OR51B5: variants seen among roughly 807,000 people sequenced by gnomAD.
The protein encoded by OR51B5 is olfactory receptor 51B5.
For missense variants in OR51B5, 456 were observed against 374.6 expected (o/e 1.22, Z -1.79); for synonymous variants, 186 against 144.8 (o/e 1.28, Z -2.04).
intron 1 of OR51B5, among the ~76,000 whole-genome samples, chr11:5,477,708 A>G (rs2133805641): frequency 6.6e-6 from 1 of 152,296 alleles, no homozygotes; most frequent in Non-Finnish European, 1.5e-5. Context: ...GGGAAGCACA[A>G]GGGGTCAGGG....
At chr11:5,417,049 A>G (rs1285555114) in intron 1 of OR51B5, among the ~76,000 whole-genome samples, 1 of 150,582 alleles carries the variant, frequency 6.6e-6, no homozygotes, top group Non-Finnish European at 1.5e-5. Context: ...TACAGTAAAC[A>G]AAACAGCATG....
chr11:5,479,904 TTAA>T (rs1407092132), intron 1 of OR51B5, among the ~76,000 whole-genome samples: 2,231 of 139,246 alleles, frequency 0.016, 49 homozygotes, highest in African/African-American at 0.056. Flanking sequence ...CTCCCACACA[TTAA>T]TAATGGGAGA....
At chr11:5,342,616 G>C (rs903676151) in exon 1 of OR51B5, 2 of 1,601,072 alleles carry the variant, frequency 1.2e-6, no homozygotes, top group Middle Eastern at 1.7e-4. Context: ...TAGTAAAAAG[G>C]TGAAGAATGG....
Position 5,412,738 on chromosome 11 carries a change from G to A in OR51B5, n.85-65828C>T, listed in dbSNP as rs1468693412. 1.7e-4 allele frequency among the ~76,000 whole-genome samples: 26 copies of A among 152,108 alleles called. 1 individual carries two copies. Among genetic ancestry groups the A allele is most frequent in the Admixed American group, 1.7e-3 (26 of 15,284 alleles). ...CTGCAAGGCGGCAGCCAGGCTGGGGGAGGGGCACCCGCCATTGCCCAGGCT... is the reference window on the plus strand; with the variant it reads ...CTGCAAGGCGGCAGCCAGGCTGGGGAAGGGGCACCCGCCATTGCCCAGGCT... On this transcript the variant is annotated intron_variant and non_coding_transcript_variant, in intron 1 of 4. Transcript: ENST00000415970.
intron 1 of OR51B5, among the ~76,000 whole-genome samples, chr11:5,366,357 AG>A (rs1447071939): frequency 2.0e-5 from 3 of 152,174 alleles, no homozygotes; most frequent in Non-Finnish European, 4.4e-5. Context: ...CTGTAATCCC[AG>A]CACTTTGGGT....
chr11:5,503,958 C>G (rs1345502081), intron 1 of OR51B5, among the ~76,000 whole-genome samples: 2 of 152,072 alleles, frequency 1.3e-5, no homozygotes, highest in Admixed American at 1.3e-4. Context: ...TGTACTTCCC[C>G]TCTTCATTTG....
At chr11:5,418,106 G>A (rs1011728461) in intron 1 of OR51B5, among the ~76,000 whole-genome samples, 2 of 151,040 alleles carry the variant, frequency 1.3e-5, no homozygotes, top group African/African-American at 2.4e-5. Flanking sequence ...TCCTTTGTAG[G>A]GACATGGATG....
intron 1 of OR51B5, among the ~76,000 whole-genome samples, chr11:5,439,359 C>A (rs1307656815): frequency 1.1e-4 from 16 of 152,158 alleles, no homozygotes. Flanking sequence ...TACTTCCCTT[C>A]ACCAACAATA....
intron 1 of OR51B5, among the ~76,000 whole-genome samples, chr11:5,496,671 G>C (rs1851654327): frequency 6.6e-6 from 1 of 152,154 alleles, no homozygotes; most frequent in African/African-American, 2.4e-5. Flanking sequence ...GTTTTTCAGT[G>C]CACCTTTGAG....
At chr11:5,461,280 G>A (rs1007069077) in intron 1 of OR51B5, among the ~76,000 whole-genome samples, 7 of 152,154 alleles carry the variant, frequency 4.6e-5, no homozygotes, top group African/African-American at 9.7e-5. Flanking sequence ...GAGGCGCGCC[G>A]GCGGGGAAGG....
At chr11:5,489,303 T>C in intron 1 of OR51B5, 1 of 1,611,160 alleles carries the variant, frequency 6.2e-7, no homozygotes, top group Non-Finnish European at 8.5e-7. Flanking sequence ...CTGTCAATAT[T>C]GTCTATGGGC....
intron 1 of OR51B5, among the ~76,000 whole-genome samples, chr11:5,444,169 C>T (rs1038454447): frequency 1.8e-4 from 27 of 152,118 alleles, no homozygotes; most frequent in African/African-American, 6.0e-4. Flanking sequence ...ATTATTTTCC[C>T]ATATACATAC....
intron 1 of OR51B5, chr11:5,430,872 C>T (rs1304490179): frequency 4.6e-5 from 21 of 457,142 alleles, no homozygotes; most frequent in Non-Finnish European, 8.4e-5. Context: ...AAATATGTGA[C>T]ACACATGTGT....
At chr11:5,384,175 CTTTG>C (rs921522654) in intron 1 of OR51B5, among the ~76,000 whole-genome samples, 11 of 152,028 alleles carry the variant, frequency 7.2e-5, no homozygotes, top group South Asian at 4.2e-4. Context: ...GTTGTTGTTT[CTTTG>C]TTTGTTGTTT....
At chr11:5,405,995 TGAGAA>T (rs1304854357) in intron 1 of OR51B5, among the ~76,000 whole-genome samples, 2 of 152,158 alleles carry the variant, frequency 1.3e-5, no homozygotes, top group African/African-American at 4.8e-5. Context: ...TTTCCTGAGA[TGAGAA>T]GAGAAGAAAC....
At chr11:5,461,139 G>A (rs1482296228) in intron 1 of OR51B5, among the ~76,000 whole-genome samples, 1 of 152,208 alleles carries the variant, frequency 6.6e-6, no homozygotes, top group African/African-American at 2.4e-5. Flanking sequence ...CCACTGATGG[G>A]GTGGCAAGTG....
chr11:5,467,493 T>C (rs17369001), intron 1 of OR51B5, among the ~76,000 whole-genome samples: 1,903 of 152,358 alleles, frequency 0.012, 24 homozygotes, highest in Non-Finnish European at 0.019. Flanking sequence ...TAATCATCCA[T>C]TGGAGTTGAG....
At chr11:5,359,644 T>TTTAAGTTCCAAACTAC (rs1175463376) in intron 1 of OR51B5, among the ~76,000 whole-genome samples, 3 of 141,316 alleles carry the variant, frequency 2.1e-5, no homozygotes, top group Non-Finnish European at 4.5e-5. Flanking sequence ...AAAAAACTAC[T>TTTAAGTTCCAAACTAC]TTAAAGTTCA....
chr11:5,449,760 A>G (rs4094102), intron 1 of OR51B5, among the ~76,000 whole-genome samples: 24,371 of 152,188 alleles, frequency 0.16, 2,506 homozygotes, highest in Non-Finnish European at 0.22. Context: ...ATCCCATGAC[A>G]AACAGCTGAA....
Sources: gnomAD v4.1 joint callset for allele counts (sites outside exome capture counted in the v4.1 genomes callset) on GRCh38, gnomAD v4.1.1 for gene constraint, MANE v1.5 for transcripts, NCBI Gene and HGNC (gene_info 2026-07-23, HGNC 2026-07-21) for gene names.